ADAT1: variants seen among roughly 807,000 people sequenced by gnomAD.
ADAT1 encodes adenosine deaminase tRNA specific 1, also known as tRNA-specific adenosine deaminase 1.
ADAT1 carries 58 observed loss-of-function variants against 58.6 expected under a neutral mutation model. The ratio of observed to expected loss-of-function variants is 0.99; its 90% CI spans 0.80 to 1.23. The LOEUF (loss-of-function observed/expected upper bound fraction) is 1.23. Among genes scored for constraint, ADAT1 ranks in the 50% most tolerant of loss-of-function variants. The pLI is 0.00. For missense variants in ADAT1, 741 were observed against 608.6 expected (o/e 1.22, Z -2.29); for synonymous variants, 254 against 220.8 (o/e 1.15, Z -1.33).
chr16:75,611,666 G>A (rs1485330320), intron 6 of ADAT1, among the ~76,000 whole-genome samples: 1 of 152,044 alleles, frequency 6.6e-6, no homozygotes, highest in Non-Finnish European at 1.5e-5. Context: ...ACAGTCGTGA[G>A]CCACCATGCC....
Position 75,597,030 on chromosome 16 carries a change from CAGAA to C in ADAT1, c.*3182_*3185del, listed in dbSNP as rs1389082670. 2 of 153,990 alleles carry C rather than the reference CAGAA, an allele frequency of 1.3e-5. No individual in the cohort carries two copies. Among genetic ancestry groups the C allele is most frequent in the African/African-American group, 4.8e-5 (2 of 41,418 alleles). The allele number at this position is 153,990 out of a possible 1,614,324, so 9.5% of individuals were successfully genotyped here. A position where few individuals can be genotyped will look rare whatever the true frequency, so the allele number is the denominator to read the frequency against. On this transcript the variant is annotated 3_prime_UTR_variant, in exon 10 of 10. Coordinates refer to ENST00000564657, the MANE Select transcript of ADAT1 (RefSeq NM_001324445.2). ...TTCAGAATAGACAAATCCAAACAGA[CAGAA>C]AGTAGATTACTGATTGCCCTGGGGT... is the stretch of plus-strand genomic sequence containing the variant.
chr16:75,620,835 A>G lies in ADAT1; in HGVS notation c.-21-15T>C. On this transcript the variant is annotated splice_polypyrimidine_tract_variant and intron_variant, in intron 1 of 9. Coordinates refer to ENST00000564657, the MANE Select transcript of ADAT1 (RefSeq NM_001324445.2). ...GGTATTGAGACCTTGATCAAAAACC[A>G]CAACCATCAGAAGTACGGAAAGGAG... 6.3e-7 allele frequency: 1 copy of G among 1,591,168 alleles called. No individual in the cohort carries two copies. Among genetic ancestry groups the G allele is most frequent in the East Asian group, 2.3e-5 (1 of 44,348 alleles).
chr16:75,600,186 G>C lies in ADAT1; in HGVS notation c.*30C>G. On this transcript the variant is annotated 3_prime_UTR_variant, in exon 10 of 10. Transcript: ENST00000564657. ...TGGAGGAAGGCAGTTCAGGATGAAGGGTCCTGCTACCAGAGCAAACATTTC... is the reference window on the plus strand; with the variant it reads ...TGGAGGAAGGCAGTTCAGGATGAAGCGTCCTGCTACCAGAGCAAACATTTC... 6.2e-7 allele frequency: 1 copy of C among 1,612,274 alleles called. No individual in the cohort carries two copies. Among genetic ancestry groups the C allele is most frequent in the Non-Finnish European group, 8.5e-7 (1 of 1,178,540 alleles).
intron 8 of ADAT1, among the ~76,000 whole-genome samples, chr16:75,604,472 T>TACAC (rs1252582081): frequency 1.2e-3 from 64 of 54,336 alleles, no homozygotes; most frequent in South Asian, 1.9e-3. Flanking sequence ...TATATATATA[T>TACAC]ATACACACAC....
At chr16:75,615,234 C>T (rs2081662852) in intron 5 of ADAT1, among the ~76,000 whole-genome samples, 1 of 150,934 alleles carries the variant, frequency 6.6e-6, no homozygotes, top group Non-Finnish European at 1.5e-5. Context: ...ACTCTCATTT[C>T]CTTTAAAGTG....
intron 8 of ADAT1, among the ~76,000 whole-genome samples, chr16:75,603,520 A>G (rs2081281004): frequency 6.6e-6 from 1 of 152,216 alleles, no homozygotes; most frequent in South Asian, 2.1e-4. Context: ...AGAAATGGAA[A>G]GCTTTGTTTC....
At chr16:75,619,013 G>A (rs2081840937) in intron 3 of ADAT1, among the ~76,000 whole-genome samples, 1 of 152,202 alleles carries the variant, frequency 6.6e-6, no homozygotes, top group Non-Finnish European at 1.5e-5. Context: ...ATCACCCCCA[G>A]GTGAGAAACA....
intron 3 of ADAT1, 32 bp from the exon 4 acceptor site, chr16:75,618,672 A>C (rs377756287): frequency 3.7e-6 from 6 of 1,611,506 alleles, no homozygotes; most frequent in Non-Finnish European, 5.1e-6. Flanking sequence ...AGGTGAAGAC[A>C]TATGGAAGCT....
chr16:75,606,038 G>GA (rs1567466805), intron 8 of ADAT1, among the ~76,000 whole-genome samples: 1 of 109,672 alleles, frequency 9.1e-6, no homozygotes, highest in African/African-American at 3.5e-5. Context: ...GCTGTTGTTT[G>GA]TTTTTTAGAG....
Position 75,600,174 on chromosome 16 carries a change from T to G in ADAT1, c.*42A>C. The G allele has an allele frequency of 6.2e-7, 1 of 1,610,412 alleles. No homozygotes were observed. The highest frequency in any genetic ancestry group is 8.5e-7 in the Non-Finnish European group (1 of 1,177,184). On this transcript the variant is annotated 3_prime_UTR_variant, in exon 10 of 10. Coordinates refer to ENST00000564657, the MANE Select transcript of ADAT1 (RefSeq NM_001324445.2). ...ACTTGTCCTGCGTGGAGGAAGGCAG[T>G]TCAGGATGAAGGGTCCTGCTACCAG... is the stretch of plus-strand genomic sequence containing the variant.
In ADAT1 at chr16:75,599,207, G is replaced by A. The variant is rs555428533; in HGVS notation, c.*1009C>T. On this transcript the variant is annotated 3_prime_UTR_variant, in exon 10 of 10. Coordinates refer to ENST00000564657, the MANE Select transcript of ADAT1 (RefSeq NM_001324445.2). The stretch of plus-strand genomic sequence containing the variant: ...AGCAATTCTCCTGCCTCAGCCTCCC[G>A]AGTAGCTAGGATTACAGGTGTGCGC... 3.7e-5 allele frequency: 32 copies of A among 859,078 alleles called. No individual in the cohort carries two copies. The highest frequency in any genetic ancestry group is 6.0e-4 in the Middle Eastern group (1 of 1,662). The allele number at this position is 859,078 out of a possible 1,614,324, so 53.2% of individuals were successfully genotyped here.
intron 6 of ADAT1, among the ~76,000 whole-genome samples, chr16:75,611,706 C>T (rs1036110898): frequency 2.7e-5 from 4 of 150,664 alleles, no homozygotes; most frequent in Non-Finnish European, 5.9e-5. Context: ...TTTTTAACAA[C>T]AAAGAAAACA....
chr16:75,599,469 G>C lies in ADAT1; in HGVS notation c.*747C>G. 1.0e-6 allele frequency: 1 copy of C among 985,788 alleles called. No homozygotes were observed. The highest frequency in any genetic ancestry group is 1.2e-6 in the Non-Finnish European group (1 of 829,920). The allele number at this position is 985,788 out of a possible 1,614,324, so 61.1% of individuals were successfully genotyped here. A position where few individuals can be genotyped will look rare whatever the true frequency, so the allele number is the denominator to read the frequency against. ...TTAATCAAAATAACAACAGGAATCTGTCTCACATAATTGAGACATCTAAAC... is the reference window on the plus strand; with the variant it reads ...TTAATCAAAATAACAACAGGAATCTCTCTCACATAATTGAGACATCTAAAC... On this transcript the variant is annotated 3_prime_UTR_variant, in exon 10 of 10. Coordinates refer to ENST00000564657, the MANE Select transcript of ADAT1 (RefSeq NM_001324445.2).
In ADAT1 at chr16:75,597,863, G is replaced by A. The variant is rs1226562825; in HGVS notation, c.*2353C>T. Among the ~76,000 whole-genome samples, 1 of 152,224 alleles carries A rather than the reference G, an allele frequency of 6.6e-6. No individual in the cohort carries two copies. Among genetic ancestry groups the A allele is most frequent in the African/African-American group, 2.4e-5 (1 of 41,464 alleles). On this transcript the variant is annotated 3_prime_UTR_variant, in exon 10 of 10. Transcript: ENST00000564657. ...AGGAGGAGCTACGGCAGAAATGTGA[G>A]CGATGGGGGGCAGCCATAAATACAG...
rs2081181323 is a variant in ADAT1 at position 75,600,002 on chromosome 16, T to C, written c.*214A>G. ...ATAAAACACAATGGAAGTCAGATAG[T>C]GAGGTCATTAGTGAGATGCCATTTT... is the stretch of plus-strand genomic sequence containing the variant. On this transcript the variant is annotated 3_prime_UTR_variant, in exon 10 of 10. Coordinates refer to ENST00000564657, the MANE Select transcript of ADAT1 (RefSeq NM_001324445.2). 2 of 1,323,126 alleles carry C rather than the reference T, an allele frequency of 1.5e-6. No individual in the cohort carries two copies. The highest frequency in any genetic ancestry group is 1.9e-6 in the Non-Finnish European group (2 of 1,034,274). 82.0% of individuals were successfully genotyped at this position (1,323,126 alleles called of 1,614,324 possible).
At chr16:75,605,655 G>C (rs558036255) in intron 8 of ADAT1, among the ~76,000 whole-genome samples, 4 of 152,082 alleles carry the variant, frequency 2.6e-5, no homozygotes, top group African/African-American at 7.2e-5. Flanking sequence ...CCCGAAAAAG[G>C]CTGGGTGTGG....
intron 9 of ADAT1, 112 bp from the exon 10 acceptor site, chr16:75,600,460 G>A: frequency 6.8e-7 from 1 of 1,481,342 alleles, no homozygotes; most frequent in South Asian, 1.4e-5. Context: ...CTTAGGTAGA[G>A]AAGGAGTTCA....
chr16:75,601,238 G>T (rs1597086087), intron 9 of ADAT1, among the ~76,000 whole-genome samples: 1 of 151,516 alleles, frequency 6.6e-6, no homozygotes, highest in African/African-American at 2.4e-5. Context: ...TACCTGGGAG[G>T]CTGAGGCAGG....
rs193197564 is a variant in ADAT1, at chr16:75,609,503, A to T, written c.1044-515T>A. 3.7e-3 allele frequency among the ~76,000 whole-genome samples: 559 copies of T among 151,542 alleles called. 2 individuals carry two copies. The highest frequency in any genetic ancestry group is 8.4e-3 in the African/African-American group (349 of 41,316). On this transcript the variant is annotated intron_variant, in intron 6 of 9. Transcript: ENST00000564657. ...CACAGTGCCTAGGGTTGGCTTTTTT[A>T]AAAAAAAACAAAAAACCAACATCTT...
Sources: gnomAD v4.1 joint callset for allele counts (sites outside exome capture counted in the v4.1 genomes callset) on GRCh38, gnomAD v4.1.1 for gene constraint, MANE v1.5 for transcripts, NCBI Gene and HGNC (gene_info 2026-07-23, HGNC 2026-07-21) for gene names.